Variants in ULK4 observed in about 807,000 individuals in gnomAD.
ULK4 encodes unc-51 like kinase 4.
In ULK4, 133 loss-of-function variants were observed where a neutral mutation model predicts 160.6. The observed-to-expected ratio is 0.83, with a 90% CI of 0.72 to 0.96. The LOEUF (loss-of-function observed/expected upper bound fraction) is 0.96. ULK4 is among the 40% of genes least tolerant of loss of function. The probability of loss-of-function intolerance (pLI) is 0.00; values close to 1 mark genes in which losing one functional copy is unlikely to be tolerated. For synonymous variants in ULK4, 534 were observed against 539.8 expected (o/e 0.99, Z 0.15); for missense variants, 1,580 against 1,499.5 (o/e 1.05, Z -0.89).
At chr3:41,733,080 C>A (rs2037888492) in intron 22 of ULK4, among the ~76,000 whole-genome samples, 1 of 152,066 alleles carries the variant, frequency 6.6e-6, no homozygotes, top group Non-Finnish European at 1.5e-5. Context: ...TATATTTCAG[C>A]ATCTCAAAAT....
At chr3:41,642,782 T>C (rs1559454394) in intron 30 of ULK4, among the ~76,000 whole-genome samples, 1 of 152,224 alleles carries the variant, frequency 6.6e-6, no homozygotes, top group Non-Finnish European at 1.5e-5. Flanking sequence ...TCCACAATGG[T>C]TGAACTGGTT....
At chr3:41,954,871 A>T in intron 1 of ULK4, 64 bp from the exon 2 acceptor site, 1 of 1,046,902 alleles carries the variant, frequency 9.6e-7, no homozygotes. Flanking sequence ...TTAGCCTAGG[A>T]TAATTAGCCT....
intron 2 of ULK4, among the ~76,000 whole-genome samples, chr3:41,953,304 A>ATATAT (rs1181182812): frequency 2.6e-4 from 33 of 124,786 alleles, no homozygotes; most frequent in South Asian, 9.8e-4. Context: ...ATATATATAT[A>ATATAT]TTTTTTTTTT....
chr3:41,756,382 CA>C (rs2038804479), intron 21 of ULK4, among the ~76,000 whole-genome samples: 1 of 152,134 alleles, frequency 6.6e-6, no homozygotes, highest in African/African-American at 2.4e-5. Context: ...AAAATATTCT[CA>C]ATAGTTACAC....
intron 30 of ULK4, among the ~76,000 whole-genome samples, chr3:41,662,428 T>C (rs1388568737): frequency 6.6e-6 from 1 of 152,198 alleles, no homozygotes; most frequent in Non-Finnish European, 1.5e-5. Context: ...CGTGAGCAAC[T>C]TGTCACCAGT....
intron 32 of ULK4, among the ~76,000 whole-genome samples, chr3:41,489,405 G>A (rs1258725061): frequency 6.6e-6 from 1 of 152,150 alleles, no homozygotes; most frequent in Non-Finnish European, 1.5e-5. Context: ...GTCCTCAGAA[G>A]ACTGAAAGTA....
chr3:41,661,356 A>G (rs1298397347), intron 30 of ULK4, among the ~76,000 whole-genome samples: 1 of 152,126 alleles, frequency 6.6e-6, no homozygotes, highest in East Asian at 1.9e-4. Context: ...TTTTTAGTCA[A>G]TCACCACGAA....
At chr3:41,706,381 T>A (rs2036883530) in intron 25 of ULK4, among the ~76,000 whole-genome samples, 1 of 144,854 alleles carries the variant, frequency 6.9e-6, no homozygotes, top group African/African-American at 2.6e-5. Flanking sequence ...ATTTAATATA[T>A]ATATTTATAT....
intron 17 of ULK4, among the ~76,000 whole-genome samples, chr3:41,881,629 A>G (rs1451498669): frequency 6.6e-6 from 1 of 152,230 alleles, no homozygotes. Flanking sequence ...TTATCCAACC[A>G]AATGTAGTTC....
chr3:41,855,989 C>T (rs1000902958), intron 17 of ULK4, among the ~76,000 whole-genome samples: 4 of 152,076 alleles, frequency 2.6e-5, no homozygotes, highest in South Asian at 4.2e-4. Flanking sequence ...TTCTATGAGA[C>T]GTCAGATAAG....
chr3:41,341,726 T>TA (rs2080689279), intron 35 of ULK4, among the ~76,000 whole-genome samples: 1 of 152,178 alleles, frequency 6.6e-6, no homozygotes, highest in African/African-American at 2.4e-5. Flanking sequence ...CATTTGGTCC[T>TA]ACAGGCTCCA....
intron 30 of ULK4, among the ~76,000 whole-genome samples, chr3:41,617,776 A>G (rs2033048626): frequency 6.6e-6 from 1 of 152,194 alleles, no homozygotes; most frequent in Admixed American, 6.5e-5. Flanking sequence ...AATAAGTTTT[A>G]CAAATTAACA....
At chr3:41,657,818 T>TAAAAAAAA (rs60281588) in intron 30 of ULK4, among the ~76,000 whole-genome samples, 15 of 99,720 alleles carry the variant, frequency 1.5e-4, no homozygotes, top group Non-Finnish European at 2.1e-4. Context: ...TCCATCTCAT[T>TAAAAAAAA]AAAAAAAAAA....
At chr3:41,715,169 T>C in intron 25 of ULK4, 68 bp downstream of exon 25, 1 of 1,495,682 alleles carries the variant, frequency 6.7e-7, no homozygotes, top group Non-Finnish European at 9.2e-7. Flanking sequence ...CATTCTGACA[T>C]CAAATTCTAC....
intron 35 of ULK4, among the ~76,000 whole-genome samples, chr3:41,300,837 T>TTACATATATATATA (rs1553640530): frequency 8.6e-5 from 5 of 57,876 alleles, no homozygotes; most frequent in African/African-American, 2.3e-4. Flanking sequence ...ATTTTACAGA[T>TTACATATATATATA]TATATATATA....
chr3:41,525,695 T>C (rs1333330249), intron 32 of ULK4, among the ~76,000 whole-genome samples: 1 of 152,262 alleles, frequency 6.6e-6, no homozygotes, highest in African/African-American at 2.4e-5. Flanking sequence ...ATATGTCATT[T>C]TGTATCTGTA....
chr3:41,434,245 G>T (rs936127606), intron 34 of ULK4, among the ~76,000 whole-genome samples: 2 of 152,050 alleles, frequency 1.3e-5, no homozygotes, highest in African/African-American at 4.8e-5. Flanking sequence ...CATTATTTAG[G>T]GGCAAATATT....
chr3:41,857,456 T>G (rs1375004857), intron 17 of ULK4, among the ~76,000 whole-genome samples: 3 of 152,218 alleles, frequency 2.0e-5, no homozygotes, highest in African/African-American at 7.2e-5. Flanking sequence ...ACTGGCCTTG[T>G]AGAGTAATTC....
At chr3:41,426,033 C>A (rs1228838842) in intron 34 of ULK4, among the ~76,000 whole-genome samples, 1 of 152,122 alleles carries the variant, frequency 6.6e-6, no homozygotes, top group African/African-American at 2.4e-5. Context: ...ATTCAAGAGA[C>A]CCATCTCACA....
Sources: allele counts gnomAD v4.1 joint callset (sites outside exome capture counted in the v4.1 genomes callset), GRCh38; gene constraint gnomAD v4.1.1; transcripts MANE v1.5; gene names NCBI Gene and HGNC (gene_info 2026-07-23, HGNC 2026-07-21).